Variants in AUTS2 observed in about 807,000 individuals in gnomAD.
AUTS2 encodes the protein activator of transcription and developmental regulator AUTS2.
Under a neutral mutation model 112.4 loss-of-function variants are expected in AUTS2, and 17 were observed. The observed-to-expected ratio is 0.15, with a 90% CI of 0.10 to 0.23. The LOEUF (loss-of-function observed/expected upper bound fraction) is 0.23. Ranked by LOEUF, AUTS2 falls within the 10% of genes least tolerant of loss-of-function variation. The pLI is 1.00. For synonymous variants in AUTS2, 751 were observed against 702.7 expected (o/e 1.07, Z -1.09); for missense variants, 1,510 against 1,701.6 (o/e 0.89, Z 1.98).
intron 4 of AUTS2, among the ~76,000 whole-genome samples, chr7:70,247,952 G>T (rs1813012315): frequency 6.6e-6 from 1 of 152,102 alleles, no homozygotes; most frequent in South Asian, 2.1e-4. Flanking sequence ...TATCATGAAT[G>T]ACTGTCAGAT....
intron 6 of AUTS2, among the ~76,000 whole-genome samples, chr7:70,747,214 G>A (rs1021363668): frequency 1.3e-5 from 2 of 152,230 alleles, no homozygotes; most frequent in Admixed American, 6.5e-5. Context: ...AAGCATCTCT[G>A]AAGATAAAGT....
chr7:70,017,657 T>C (rs988768004), intron 2 of AUTS2, among the ~76,000 whole-genome samples: 2 of 152,142 alleles, frequency 1.3e-5, no homozygotes, highest in African/African-American at 4.8e-5. Flanking sequence ...CAAGAAGATG[T>C]TCTGCTCAGA....
intron 5 of AUTS2, among the ~76,000 whole-genome samples, chr7:70,692,898 G>A (rs1808829914): frequency 6.6e-6 from 1 of 152,040 alleles, no homozygotes; most frequent in African/African-American, 2.4e-5. Flanking sequence ...CATATGTGGT[G>A]TGCATCTCTC....
chr7:70,101,386 A>G (rs1452028791), intron 2 of AUTS2, among the ~76,000 whole-genome samples: 19 of 123,762 alleles, frequency 1.5e-4, no homozygotes, highest in South Asian at 2.7e-4. Flanking sequence ...AAAAAAAAAG[A>G]AAAAAAGGGG....
intron 1 of AUTS2, among the ~76,000 whole-genome samples, chr7:69,707,415 TA>T (rs1204766404): frequency 6.6e-6 from 1 of 152,242 alleles, no homozygotes; most frequent in African/African-American, 2.4e-5. Context: ...ATGCTGCTAA[TA>T]AAGGATTGCT....
At chr7:70,395,948 C>G (rs1459603867) in intron 4 of AUTS2, among the ~76,000 whole-genome samples, 1 of 152,124 alleles carries the variant, frequency 6.6e-6, no homozygotes, top group Non-Finnish European at 1.5e-5. Context: ...CAGAAAAACA[C>G]TCTTAACCCA....
chr7:70,206,158 C>T (rs1028016858), intron 4 of AUTS2, among the ~76,000 whole-genome samples: 5 of 152,120 alleles, frequency 3.3e-5, no homozygotes, highest in African/African-American at 9.7e-5. Context: ...TGTCCCCCTC[C>T]GTTAATGCAC....
chr7:70,628,606 G>C (rs2129538155), intron 5 of AUTS2, among the ~76,000 whole-genome samples: 1 of 151,002 alleles, frequency 6.6e-6, no homozygotes, highest in African/African-American at 2.4e-5. Context: ...CCAGTAATCA[G>C]AACTTTCCTT....
chr7:70,786,214 C>T lies in AUTS2; in HGVS notation c.2308+176C>T, dbSNP rs140041800. ...GTGAGGTGGAAGTGTGCAGAGCCAC[C>T]ACTGTGAGGGCAGCCCCCTGTGGCT... On this transcript the variant is annotated intron_variant, in intron 17 of 18. Coordinates refer to ENST00000342771, the MANE Select transcript of AUTS2 (RefSeq NM_015570.4). 1.3e-3 allele frequency among the ~76,000 whole-genome samples: 202 copies of T among 152,314 alleles called. 1 individual carries two copies. The highest frequency in any genetic ancestry group is 4.8e-3 in the African/African-American group (199 of 41,568).
At chr7:69,912,962 C>A (rs1795425088) in intron 2 of AUTS2, among the ~76,000 whole-genome samples, 3 of 152,212 alleles carry the variant, frequency 2.0e-5, no homozygotes, top group Non-Finnish European at 4.4e-5. Context: ...CAGTGACCAT[C>A]CACAGCCATC....
chr7:70,599,498 C>T (rs1803366478), intron 5 of AUTS2, among the ~76,000 whole-genome samples: 1 of 152,118 alleles, frequency 6.6e-6, no homozygotes, highest in Admixed American at 6.5e-5. Flanking sequence ...CACCAAGGAG[C>T]CTGTTAGAAA....
chr7:70,765,575 C>T (rs1747585553), intron 8 of AUTS2, among the ~76,000 whole-genome samples: 1 of 152,114 alleles, frequency 6.6e-6, no homozygotes, highest in African/African-American at 2.4e-5. Context: ...CCAGTGTAGC[C>T]ATGTTATGCC....
At chr7:70,247,776 A>G (rs1035842576) in intron 4 of AUTS2, among the ~76,000 whole-genome samples, 3 of 152,154 alleles carry the variant, frequency 2.0e-5, no homozygotes, top group Admixed American at 6.6e-5. Flanking sequence ...ATGACATTCA[A>G]TAATGTCAAA....
chr7:70,209,201 G>A (rs1167273191), intron 4 of AUTS2, among the ~76,000 whole-genome samples: 1 of 152,126 alleles, frequency 6.6e-6, no homozygotes, highest in Non-Finnish European at 1.5e-5. Context: ...TAGGTGGATT[G>A]GACATGGGAT....
chr7:69,635,746 C>A (rs754783049), intron 1 of AUTS2, among the ~76,000 whole-genome samples: 4 of 152,216 alleles, frequency 2.6e-5, no homozygotes, highest in Non-Finnish European at 4.4e-5. Context: ...GGAAATCTGT[C>A]ATGAATCAGC....
intron 3 of AUTS2, among the ~76,000 whole-genome samples, chr7:70,133,375 C>A (rs1025474688): frequency 3.9e-5 from 6 of 152,176 alleles, no homozygotes; most frequent in Admixed American, 3.9e-4. Context: ...TTTATACATT[C>A]ATTCAATAAG....
intron 2 of AUTS2, among the ~76,000 whole-genome samples, chr7:70,020,185 C>T (rs1307826202): frequency 6.6e-6 from 1 of 152,130 alleles, no homozygotes; most frequent in Non-Finnish European, 1.5e-5. Context: ...GGCACTTATA[C>T]CTCTCCCCAA....
chr7:70,542,356 C>T (rs1800586155), intron 5 of AUTS2, among the ~76,000 whole-genome samples: 1 of 152,212 alleles, frequency 6.6e-6, no homozygotes, highest in African/African-American at 2.4e-5. Flanking sequence ...CCCCAAGTAT[C>T]TGAACTCCTA....
chr7:70,642,311 A>G (rs1260473525), intron 5 of AUTS2, among the ~76,000 whole-genome samples: 1 of 152,214 alleles, frequency 6.6e-6, no homozygotes, highest in African/African-American at 2.4e-5. Context: ...AGAGATCTTT[A>G]CTTTTGCTAT....
Sources: allele counts gnomAD v4.1 joint callset (sites outside exome capture counted in the v4.1 genomes callset), GRCh38; gene constraint gnomAD v4.1.1; transcripts MANE v1.5; gene names NCBI Gene and HGNC (gene_info 2026-07-23, HGNC 2026-07-21).